The following SERPINE2 variants were observed in gnomAD, a reference collection of about 807,000 sequenced individuals.
SERPINE2 encodes glia-derived nexin.
Under a neutral mutation model 36.3 loss-of-function variants are expected in SERPINE2, and 14 were observed. The observed-to-expected ratio is 0.39, with a 90% CI of 0.25 to 0.60. The LOEUF is 0.60. Ranked by LOEUF, SERPINE2 falls within the 20% of genes least tolerant of loss-of-function variation. SERPINE2 has a pLI of 0.57. For missense variants in SERPINE2, 418 were observed against 499.6 expected (o/e 0.84, Z 1.56); for synonymous variants, 192 against 191.8 (o/e 1.00, Z -0.01).
At chr2:223,979,733 G>A (rs554292225) in intron 7 of SERPINE2, 1 of 152,286 alleles carries the variant, frequency 6.6e-6, no homozygotes, top group East Asian at 1.9e-4. Context: ...CGAATTCTTC[G>A]GTTTATCCTG....
intron 1 of SERPINE2, among the ~76,000 whole-genome samples, chr2:224,009,803 C>T (rs1691562553): frequency 6.6e-6 from 1 of 152,148 alleles, no homozygotes; most frequent in African/African-American, 2.4e-5. Flanking sequence ...TCAGACCAAA[C>T]ATTTCTCATC....
chr2:224,016,420 C>T (rs12619651), intron 1 of SERPINE2, among the ~76,000 whole-genome samples: 4 of 151,362 alleles, frequency 2.6e-5, no homozygotes, highest in East Asian at 3.9e-4. Flanking sequence ...GCAGGAGAAT[C>T]GCTTGAACCC....
chr2:224,009,291 G>A (rs940674244), intron 1 of SERPINE2, among the ~76,000 whole-genome samples: 1 of 152,134 alleles, frequency 6.6e-6, no homozygotes, highest in African/African-American at 2.4e-5. Context: ...TGGAACCTAA[G>A]GCCCCTTATT....
In SERPINE2 at chr2:223,991,944, C is replaced by T. The variant is rs1690692294; in HGVS notation, c.544G>A (p.Val182Ile). The T allele has an allele frequency of 3.1e-6, 5 of 1,613,430 alleles. No individual in the cohort carries two copies. Among genetic ancestry groups the T allele is most frequent in the African/African-American group, 1.3e-5 (1 of 74,884 alleles). The change falls in exon 4 of 9, where the codon GTC (valine) becomes ATC (isoleucine). Residue 182 changes from valine (V) to isoleucine (I), a missense_variant. Coordinates refer to ENST00000409304, the MANE Select transcript of SERPINE2 (RefSeq NM_001136528.2). ...DLIDGVLTRL[V>I]LVNAVYFKGL... is the part of the protein sequence containing the mutation. ...TTGAAATACACTGCGTTGACGAGGA[C>T]CAGTCTGGTGAGCACACCATCAATA...
At chr2:224,030,065 G>C (rs1692310476) in intron 1 of SERPINE2, 1 of 985,308 alleles carries the variant, frequency 1.0e-6, no homozygotes, top group Non-Finnish European at 1.2e-6. Flanking sequence ...CAGCATGACA[G>C]GGCTACCTGC....
At chr2:224,026,620 A>G (rs1481608732) in intron 1 of SERPINE2, among the ~76,000 whole-genome samples, 1 of 152,096 alleles carries the variant, frequency 6.6e-6, no homozygotes, top group Non-Finnish European at 1.5e-5. Context: ...TTTTGAGGAA[A>G]TTTTTTGCTT....
At chr2:224,027,180 A>G (rs1692214917) in intron 1 of SERPINE2, among the ~76,000 whole-genome samples, 1 of 152,142 alleles carries the variant, frequency 6.6e-6, no homozygotes, top group African/African-American at 2.4e-5. Context: ...CATTAGCACT[A>G]CTGAGCCCCC....
At chr2:224,020,246 T>C (rs1224870595) in intron 1 of SERPINE2, among the ~76,000 whole-genome samples, 1 of 152,194 alleles carries the variant, frequency 6.6e-6, no homozygotes. Flanking sequence ...GCCTCCTGCA[T>C]CAGTATTCCA....
At chr2:224,017,154 G>A (rs960457439) in intron 1 of SERPINE2, among the ~76,000 whole-genome samples, 7 of 152,174 alleles carry the variant, frequency 4.6e-5, no homozygotes, top group African/African-American at 1.7e-4. Flanking sequence ...GAATAGGGTG[G>A]GTGGATTGTG....
At chr2:224,032,740 G>C (rs1441407280) in intron 1 of SERPINE2, among the ~76,000 whole-genome samples, 1 of 152,188 alleles carries the variant, frequency 6.6e-6, no homozygotes, top group East Asian at 1.9e-4. Context: ...GGGTGTTCCT[G>C]ATCTAATCTT....
intron 5 of SERPINE2, among the ~76,000 whole-genome samples, 184 bp from the exon 6 acceptor site, chr2:223,982,965 C>T (rs1247661005): frequency 6.6e-6 from 1 of 152,188 alleles, no homozygotes; most frequent in Non-Finnish European, 1.5e-5. Context: ...CTCTCTCAAA[C>T]ACTTAGCTGG....
chr2:224,024,747 G>A (rs1333849583), intron 1 of SERPINE2, among the ~76,000 whole-genome samples: 1 of 152,132 alleles, frequency 6.6e-6, no homozygotes. Flanking sequence ...CACAAGACCC[G>A]CCTGCTGCCC....
intron 1 of SERPINE2, among the ~76,000 whole-genome samples, chr2:224,014,458 A>G (rs1315254881): frequency 6.6e-6 from 1 of 152,226 alleles, no homozygotes; most frequent in Non-Finnish European, 1.5e-5. Flanking sequence ...CATTGATGAG[A>G]AACAGTCTAG....
chr2:224,004,441 A>G (rs1233386843), intron 1 of SERPINE2, among the ~76,000 whole-genome samples: 1 of 152,196 alleles, frequency 6.6e-6, no homozygotes, highest in East Asian at 1.9e-4. Context: ...TAAATTCAAA[A>G]CATGTAAGTG....
chr2:224,038,259 C>T (rs776747451), intron 1 of SERPINE2, among the ~76,000 whole-genome samples: 1 of 152,048 alleles, frequency 6.6e-6, no homozygotes, highest in Non-Finnish European at 1.5e-5. Flanking sequence ...AAGAACGTCC[C>T]CTGCAAAGTA....
intron 1 of SERPINE2, among the ~76,000 whole-genome samples, chr2:224,024,357 T>C (rs898700571): frequency 3.3e-5 from 5 of 152,216 alleles, no homozygotes; most frequent in Admixed American, 1.3e-4. Flanking sequence ...TCAGAAACCA[T>C]GTTAAGTGAT....
chr2:223,992,193 A>T (rs982608538), intron 3 of SERPINE2, among the ~76,000 whole-genome samples, 193 bp from the exon 4 acceptor site: 2 of 152,190 alleles, frequency 1.3e-5, no homozygotes, highest in African/African-American at 4.8e-5. Flanking sequence ...GTTAAAAAGA[A>T]GTTAAAAGAG....
At chr2:224,011,468 G>T (rs1467153430) in intron 1 of SERPINE2, among the ~76,000 whole-genome samples, 2 of 152,098 alleles carry the variant, frequency 1.3e-5, no homozygotes, top group African/African-American at 2.4e-5. Flanking sequence ...TACATTTTAA[G>T]AAATCATATT....
intron 1 of SERPINE2, among the ~76,000 whole-genome samples, chr2:224,037,143 T>C (rs567507713): frequency 4.7e-4 from 71 of 152,312 alleles, no homozygotes; most frequent in Non-Finnish European, 8.8e-4. Context: ...CCTATGAGTA[T>C]CCAACAAAGT....
Sources: allele counts gnomAD v4.1 joint callset (sites outside exome capture counted in the v4.1 genomes callset), GRCh38; gene constraint gnomAD v4.1.1; transcripts MANE v1.5; gene names NCBI Gene and HGNC (gene_info 2026-07-23, HGNC 2026-07-21).